Variants in WSCD2 observed in about 807,000 individuals in gnomAD.
WSCD2 encodes the protein WSC domain sialate O sulfotransferase 2, also known as sialate:O-sulfotransferase 2.
Under a neutral mutation model 55.7 loss-of-function variants are expected in WSCD2, and 28 were observed. The ratio of observed to expected loss-of-function variants is 0.50; its 90% CI spans 0.37 to 0.69. The LOEUF (loss-of-function observed/expected upper bound fraction) is 0.69, where lower values mean the gene tolerates loss of function less well. WSCD2 is among the 30% of genes least tolerant of loss of function. WSCD2 has a pLI of 0.00. For synonymous variants in WSCD2, 301 were observed against 301.9 expected, an observed-to-expected ratio of 1.00 and a Z score of 0.03; for missense variants, 616 against 762.1, an observed-to-expected ratio of 0.81 and a Z score of 2.26.
chr12:108,207,465 G>A (rs1431635445), intron 3 of WSCD2, among the ~76,000 whole-genome samples: 1 of 151,032 alleles, frequency 6.6e-6, no homozygotes, highest in East Asian at 1.9e-4. Context: ...CGCCTCCCGG[G>A]TTCAAGCAAT....
chr12:108,216,016 AATCCTTGGACTCCCACTGTG>A (rs749543874), intron 4 of WSCD2, among the ~76,000 whole-genome samples: 2 of 152,178 alleles, frequency 1.3e-5, no homozygotes, highest in Non-Finnish European at 2.9e-5. Flanking sequence ...GGGCTTTTGC[AATCCTTGGACTCCCACTGTG>A]GGGCCGAGAG....
intron 4 of WSCD2, among the ~76,000 whole-genome samples, chr12:108,213,304 G>A (rs574976335): frequency 7.9e-5 from 12 of 152,172 alleles, no homozygotes; most frequent in Non-Finnish European, 1.3e-4. Flanking sequence ...GAGGGCTGCG[G>A]GGGCTCTGTC....
At chr12:108,218,627 C>A (rs1017150583) in intron 4 of WSCD2, among the ~76,000 whole-genome samples, 4 of 152,182 alleles carry the variant, frequency 2.6e-5, no homozygotes, top group Non-Finnish European at 5.9e-5. Flanking sequence ...AGTGATGCCC[C>A]AGTGCCTTCA....
intron 8 of WSCD2, among the ~76,000 whole-genome samples, chr12:108,245,621 G>T (rs1566000628): frequency 1.3e-5 from 2 of 152,226 alleles, no homozygotes; most frequent in Non-Finnish European, 2.9e-5. Context: ...GTTGCTGGGT[G>T]CTGGGTGACA....
chr12:108,227,181 C>T lies in WSCD2; in HGVS notation c.979+17C>T. On this transcript the variant is annotated intron_variant, in intron 6 of 8. Coordinates refer to ENST00000547525, the MANE Select transcript of WSCD2 (RefSeq NM_014653.4). ...AAGTCCAAGGTGAGCTAGGCCCTTC[C>T]CCAGTGGACCCCAGATGCACTCCCA... 6.2e-7 allele frequency: 1 copy of T among 1,603,666 alleles called. No homozygotes were observed.
At chr12:108,194,909 GACCTTGA>G (rs1348453181) in intron 1 of WSCD2, among the ~76,000 whole-genome samples, 1 of 152,124 alleles carries the variant, frequency 6.6e-6, no homozygotes, top group African/African-American at 2.4e-5. Context: ...GTTCAGCAAG[GACCTTGA>G]AAGTACTTTT....
chr12:108,221,419 G>A (rs189739075), intron 4 of WSCD2, among the ~76,000 whole-genome samples: 32 of 152,248 alleles, frequency 2.1e-4, no homozygotes, highest in African/African-American at 7.2e-4. Flanking sequence ...AGCTGGGTGT[G>A]GTGGTGCACA....
At chr12:108,204,796 G>A (rs541805565) in intron 2 of WSCD2, among the ~76,000 whole-genome samples, 9 of 152,364 alleles carry the variant, frequency 5.9e-5, no homozygotes, top group African/African-American at 1.4e-4. Flanking sequence ...TAGCAGAGCC[G>A]TGTTCAGGGG....
At chr12:108,162,091 G>T (rs1879123167) in intron 1 of WSCD2, among the ~76,000 whole-genome samples, 1 of 152,192 alleles carries the variant, frequency 6.6e-6, no homozygotes, top group African/African-American at 2.4e-5. Context: ...GCAGAGATGG[G>T]GTAAAATGGT....
At chr12:108,193,329 T>C (rs2137039143) in intron 1 of WSCD2, among the ~76,000 whole-genome samples, 1 of 152,384 alleles carries the variant, frequency 6.6e-6, no homozygotes, top group Non-Finnish European at 1.5e-5. Flanking sequence ...CTCAGTTGAC[T>C]CTGAATTCTC....
chr12:108,225,656 G>A (rs991269551), intron 5 of WSCD2, among the ~76,000 whole-genome samples: 8 of 152,104 alleles, frequency 5.3e-5, no homozygotes, highest in African/African-American at 1.4e-4. Flanking sequence ...ATCTTTCTTC[G>A]GCCTAAGGAG....
At chr12:108,221,267 C>T (rs971490617) in intron 4 of WSCD2, among the ~76,000 whole-genome samples, 3 of 152,158 alleles carry the variant, frequency 2.0e-5, no homozygotes, top group Non-Finnish European at 4.4e-5. Context: ...CAAATGCCCA[C>T]TTTCCCGGTG....
chr12:108,162,984 A>G (rs1158568506), intron 1 of WSCD2, among the ~76,000 whole-genome samples: 3 of 152,202 alleles, frequency 2.0e-5, no homozygotes, highest in African/African-American at 7.2e-5. Context: ...ACCTGGAGGA[A>G]GTGGAGTGAT....
chr12:108,166,673 C>A (rs1879625377), intron 1 of WSCD2, among the ~76,000 whole-genome samples: 2 of 152,152 alleles, frequency 1.3e-5, no homozygotes, highest in Admixed American at 1.3e-4. Context: ...CTGTGTGCCA[C>A]CCCAGTTTCA....
chr12:108,166,817 CTTTTTTT>C (rs550529805), intron 1 of WSCD2, among the ~76,000 whole-genome samples: 2 of 103,748 alleles, frequency 1.9e-5, no homozygotes, highest in Admixed American at 1.1e-4. Context: ...CTCTTTTTTT[CTTTTTTT>C]TTTTTTTGAC....
At position 108,247,978 on chromosome 12, in the gene WSCD2, C is replaced by T. The variant is rs1566002393; in HGVS notation, c.1346-13C>T. 1.2e-5 allele frequency: 19 copies of T among 1,604,932 alleles called. No individual in the cohort carries two copies. The highest frequency in any genetic ancestry group is 2.2e-5 in the South Asian group (2 of 90,054). On this transcript the variant is annotated splice_polypyrimidine_tract_variant and intron_variant, in intron 8 of 8. Transcript: ENST00000547525. ...TCCTCCCTCTGACTGTGTCCTTTCT[C>T]CTCTCTCTGCAGAGTGGCCAGAGTT... is the stretch of plus-strand genomic sequence containing the variant.
chr12:108,181,450 C>T (rs1481195263), intron 1 of WSCD2, among the ~76,000 whole-genome samples: 2 of 152,202 alleles, frequency 1.3e-5, no homozygotes, highest in South Asian at 2.1e-4. Context: ...TTCCACCTTA[C>T]TCTGTGCCTA....
At chr12:108,181,289 T>G (rs1281191827) in intron 1 of WSCD2, among the ~76,000 whole-genome samples, 1 of 152,142 alleles carries the variant, frequency 6.6e-6, no homozygotes, top group African/African-American at 2.4e-5. Flanking sequence ...TGTGGGCGGC[T>G]GCGTGTTTGT....
chr12:108,240,577 A>C, intron 8 of WSCD2, 33 bp downstream of exon 8: 1 of 177,088 alleles, frequency 5.6e-6, no homozygotes, highest in South Asian at 3.7e-5. Context: ...AGGGGAGGGG[A>C]GGGGCTTCGG....
Sources: allele counts gnomAD v4.1 joint callset (sites outside exome capture counted in the v4.1 genomes callset), GRCh38; gene constraint gnomAD v4.1.1; transcripts MANE v1.5; gene names NCBI Gene and HGNC (gene_info 2026-07-23, HGNC 2026-07-21).